DAG1: variants seen among roughly 807,000 people sequenced by gnomAD.
The protein encoded by DAG1 is dystroglycan 1.
Under a neutral mutation model 46.1 loss-of-function variants are expected in DAG1, and 8 were observed. That is an observed-to-expected ratio of 0.17 (90% confidence interval 0.10 to 0.31). The LOEUF is 0.31. DAG1 is among the 10% of genes least tolerant of loss of function. DAG1 has a pLI of 1.00. For missense variants in DAG1, 1,003 were observed against 1,189.9 expected, an observed-to-expected ratio of 0.84 and a Z score of 2.31; for synonymous variants, 495 against 481.8, an observed-to-expected ratio of 1.03 and a Z score of -0.36.
At chr3:49,493,112 A>C (rs1575361384) in intron 1 of DAG1, 1 of 127,714 alleles carries the variant, frequency 7.8e-6, no homozygotes, top group Non-Finnish European at 1.5e-5. Context: ...TGGCATGATC[A>C]TGGCTCACTG....
At chr3:49,499,398 G>A (rs993069505) in intron 1 of DAG1, among the ~76,000 whole-genome samples, 1 of 152,166 alleles carries the variant, frequency 6.6e-6, no homozygotes, top group Non-Finnish European at 1.5e-5. Context: ...GTGAGACCCT[G>A]TCTTAAAACT....
At chr3:49,506,629 G>C (rs751784759) in intron 1 of DAG1, among the ~76,000 whole-genome samples, 11 of 151,924 alleles carry the variant, frequency 7.2e-5, no homozygotes, top group Non-Finnish European at 1.5e-4. Flanking sequence ...TTCAAATATT[G>C]AGCTCTCCTT....
In DAG1 at chr3:49,487,061, A is replaced by G. The variant is rs536214040; in HGVS notation, c.-117+16628A>G. 1.6e-4 allele frequency among the ~76,000 whole-genome samples: 25 copies of G among 151,626 alleles called. No individual in the cohort carries two copies. In the South Asian group the frequency reaches 2.3e-3, roughly 14 times the overall value. The stretch of plus-strand genomic sequence containing the variant: ...TGTGCCATGCCTGGCTAATTTTTGT[A>G]TTTTTAGTAGTAATGGGGTTTCTCT... On this transcript the variant is annotated intron_variant, in intron 1 of 2. Coordinates refer to ENST00000308775, the MANE Select transcript of DAG1 (RefSeq NM_004393.6).
intron 1 of DAG1, among the ~76,000 whole-genome samples, chr3:49,483,310 TCTC>T (rs1447020397): frequency 2.6e-5 from 4 of 151,792 alleles, no homozygotes; most frequent in Admixed American, 2.6e-4. Flanking sequence ...TTCAAGTGAT[TCTC>T]CTGCCACAGC....
chr3:49,521,376 A>G (rs556356127), intron 2 of DAG1, among the ~76,000 whole-genome samples: 11 of 152,136 alleles, frequency 7.2e-5, no homozygotes, highest in Non-Finnish European at 1.6e-4. Context: ...CGTGTTAGCC[A>G]GGATGGTCTC....
At chr3:49,520,385 G>A (rs568019437) in intron 2 of DAG1, among the ~76,000 whole-genome samples, 1 of 152,360 alleles carries the variant, frequency 6.6e-6, no homozygotes, top group South Asian at 2.1e-4. Flanking sequence ...AGCTTGCAAT[G>A]AGGAGGCCTT....
chr3:49,481,396 C>A (rs1465879643), intron 1 of DAG1, among the ~76,000 whole-genome samples: 43 of 93,796 alleles, frequency 4.6e-4, no homozygotes, highest in African/African-American at 1.3e-3. Context: ...GACTCTGCCT[C>A]AAAAAAAAAA....
intron 1 of DAG1, among the ~76,000 whole-genome samples, chr3:49,507,492 GGCGGAGGTTACAGTGA>G (rs1020945183): frequency 6.6e-5 from 10 of 152,122 alleles, no homozygotes; most frequent in Admixed American, 1.3e-4. Flanking sequence ...GAACCTGGGA[GGCGGAGGTTACAGTGA>G]GCCGAGATTG....
Position 49,534,710 on chromosome 3 carries a change from A to G in DAG1, c.*1511A>G, listed in dbSNP as rs2107972978. On this transcript the variant is annotated 3_prime_UTR_variant, in exon 3 of 3. Transcript: ENST00000308775. ...CGTCCATCTGCATCTCTGTCCCATGACTCAGGGGCGCCCACTCTGCTTCGA... is the reference window on the plus strand; with the variant it reads ...CGTCCATCTGCATCTCTGTCCCATGGCTCAGGGGCGCCCACTCTGCTTCGA... The G allele has an allele frequency of 6.6e-6, 1 of 152,594 alleles. No homozygotes were observed. The highest frequency in any genetic ancestry group is 6.5e-5 in the Admixed American group (1 of 15,294). 9.5% of individuals were successfully genotyped at this position (152,594 alleles called of 1,614,324 possible).
At chr3:49,491,032 G>A (rs979353294) in intron 1 of DAG1, among the ~76,000 whole-genome samples, 9 of 151,550 alleles carry the variant, frequency 5.9e-5, no homozygotes, top group Admixed American at 3.9e-4. Context: ...GACTACAGGC[G>A]CGCACTACTA....
intron 2 of DAG1, among the ~76,000 whole-genome samples, chr3:49,521,553 C>G (rs1005487537): frequency 1.3e-5 from 2 of 151,604 alleles, no homozygotes; most frequent in Non-Finnish European, 2.9e-5. Flanking sequence ...TTGACTTCCC[C>G]AGGCTCAAGC....
At chr3:49,499,155 T>G (rs769155903) in intron 1 of DAG1, among the ~76,000 whole-genome samples, 46 of 152,190 alleles carry the variant, frequency 3.0e-4, no homozygotes, top group Non-Finnish European at 4.7e-4. Context: ...TGGTTAATAA[T>G]GGGTTGAGTC....
At chr3:49,484,906 C>T (rs2049982184) in intron 1 of DAG1, among the ~76,000 whole-genome samples, 1 of 152,122 alleles carries the variant, frequency 6.6e-6, no homozygotes, top group Non-Finnish European at 1.5e-5. Flanking sequence ...AAGCAATTCT[C>T]CTGCCTCAGC....
chr3:49,484,110 C>T (rs762122358), intron 1 of DAG1, among the ~76,000 whole-genome samples: 3 of 152,154 alleles, frequency 2.0e-5, no homozygotes, highest in Non-Finnish European at 4.4e-5. Flanking sequence ...AGTAGGATTC[C>T]TGTCTGACTC....
intron 1 of DAG1, among the ~76,000 whole-genome samples, chr3:49,508,483 C>T (rs549094144): frequency 4.6e-5 from 7 of 152,272 alleles, no homozygotes; most frequent in Non-Finnish European, 7.4e-5. Context: ...ACTGCAACCT[C>T]TGCCTACCAG....
rs1433553538 is a variant in DAG1, at chr3:49,533,489, T to C, written c.*290T>C. ...TTGATGGCTGGCTCTGAAAGCACCA[T>C]GTGGAGTGGAGGTGGAGGGAGCGAG... On this transcript the variant is annotated 3_prime_UTR_variant, in exon 3 of 3. Coordinates refer to ENST00000308775, the MANE Select transcript of DAG1 (RefSeq NM_004393.6). The C allele has an allele frequency of 1.7e-6, 1 of 605,564 alleles. No homozygotes were observed. The highest frequency in any genetic ancestry group is 3.5e-5 in the East Asian group (1 of 28,324). 37.5% of individuals were successfully genotyped at this position (605,564 alleles called of 1,614,324 possible).
At chr3:49,524,621 C>T (rs1019842190) in intron 2 of DAG1, among the ~76,000 whole-genome samples, 3 of 151,954 alleles carry the variant, frequency 2.0e-5, no homozygotes, top group Non-Finnish European at 4.4e-5. Flanking sequence ...TTTGAGGTTG[C>T]AGTGAGCTGT....
chr3:49,518,667 G>C (rs552923468), intron 2 of DAG1, among the ~76,000 whole-genome samples: 1 of 152,310 alleles, frequency 6.6e-6, no homozygotes, highest in Non-Finnish European at 1.5e-5. Flanking sequence ...TCCAGTCTCA[G>C]CCTGGCCAGC....
intron 1 of DAG1, among the ~76,000 whole-genome samples, chr3:49,472,531 G>C (rs910825206): frequency 1.3e-5 from 2 of 152,228 alleles, no homozygotes; most frequent in Admixed American, 1.3e-4. Context: ...TTTATCGCCG[G>C]GCATGGTGGC....
Sources: allele counts gnomAD v4.1 joint callset (sites outside exome capture counted in the v4.1 genomes callset), GRCh38; gene constraint gnomAD v4.1.1; transcripts MANE v1.5; gene names NCBI Gene and HGNC (gene_info 2026-07-23, HGNC 2026-07-21).